Variants in PITPNC1 observed in about 807,000 individuals in gnomAD.
PITPNC1 encodes cytoplasmic phosphatidylinositol transfer protein 1.
A neutral mutation model predicts 44.7 loss-of-function variants in PITPNC1; 18 were observed. The observed-to-expected ratio is 0.40, with a 90% CI of 0.28 to 0.60. The LOEUF (loss-of-function observed/expected upper bound fraction) is 0.60, where lower values mean the gene tolerates loss of function less well. PITPNC1 is among the 20% of genes least tolerant of loss of function. The pLI is 0.39. For synonymous variants in PITPNC1, 141 were observed against 149.6 expected (o/e 0.94, Z 0.42); for missense variants, 290 against 418.4 (o/e 0.69, Z 2.68).
intron 1 of PITPNC1, among the ~76,000 whole-genome samples, chr17:67,522,678 A>G (rs1464253589): frequency 2.8e-4 from 6 of 21,772 alleles, no homozygotes; most frequent in Non-Finnish European, 4.8e-4. Context: ...TTTTTTGGAA[A>G]ATGAGGTCTC....
At chr17:67,687,327 T>C in intron 8 of PITPNC1, 1 of 605,160 alleles carries the variant, frequency 1.7e-6, no homozygotes, top group South Asian at 2.1e-5. Flanking sequence ...GAACCTGAGC[T>C]GGATCTAAAT....
Position 67,488,052 on chromosome 17 carries a change from C to T in PITPNC1, c.49-44750C>T, listed in dbSNP as rs752833142. ...AGCAGCTCAAAAGAGCTGTTGCTGG[C>T]GGGATTTTCTCCTTGCTGAAGTTTT... On this transcript the variant is annotated intron_variant, in intron 1 of 8. Transcript: ENST00000581322. 5.9e-5 allele frequency among the ~76,000 whole-genome samples: 9 copies of T among 152,268 alleles called. No homozygotes were observed. The East Asian group carries it at 1.2e-3, about 20-fold the overall frequency.
Position 67,453,887 on chromosome 17 carries a change from C to G in PITPNC1, c.48+75685C>G, listed in dbSNP as rs7502861. On this transcript the variant is annotated intron_variant, in intron 1 of 8. Transcript: ENST00000581322. ...AGTGGTCTTCCCTCCTGAGAATTCA[C>G]CAGAATGTACTGGCTTGATTTGCCC... is the stretch of plus-strand genomic sequence containing the variant. Among the ~76,000 whole-genome samples, 4 of 152,146 alleles carry G rather than the reference C, an allele frequency of 2.6e-5. No homozygotes were observed. In the South Asian group the frequency reaches 6.2e-4, roughly 24 times the overall value.
intron 8 of PITPNC1, among the ~76,000 whole-genome samples, chr17:67,678,644 A>G (rs2042647489): frequency 6.6e-6 from 1 of 152,222 alleles, no homozygotes; most frequent in South Asian, 2.1e-4. Flanking sequence ...AGATGCAGAC[A>G]CTCAGTGAAT....
At chr17:67,642,847 T>G (rs1359734351) in intron 6 of PITPNC1, among the ~76,000 whole-genome samples, 1 of 152,154 alleles carries the variant, frequency 6.6e-6, no homozygotes, top group Non-Finnish European at 1.5e-5. Context: ...TTTCATTTTT[T>G]TTTTTAATTT....
intron 3 of PITPNC1, among the ~76,000 whole-genome samples, chr17:67,552,879 G>A (rs1284088204): frequency 2.7e-5 from 4 of 150,374 alleles, no homozygotes; most frequent in Non-Finnish European, 5.9e-5. Context: ...GAGGTTTTAT[G>A]ATTCTTATTT....
intron 1 of PITPNC1, among the ~76,000 whole-genome samples, chr17:67,394,912 G>T (rs2038194663): frequency 1.3e-5 from 2 of 151,704 alleles, no homozygotes; most frequent in Admixed American, 6.6e-5. Context: ...AAAAAAAAAG[G>T]TTGCCAGGAG....
chr17:67,545,735 T>C (rs566320544), intron 2 of PITPNC1, among the ~76,000 whole-genome samples: 2 of 152,302 alleles, frequency 1.3e-5, no homozygotes, highest in South Asian at 4.1e-4. Flanking sequence ...TATTAGACTG[T>C]ATACATAGTC....
chr17:67,555,274 G>C (rs1049395659), intron 4 of PITPNC1, among the ~76,000 whole-genome samples: 1 of 152,060 alleles, frequency 6.6e-6, no homozygotes. Flanking sequence ...GTCTTTAGAG[G>C]GTCATATTGT....
intron 1 of PITPNC1, among the ~76,000 whole-genome samples, chr17:67,411,953 C>T (rs993688868): frequency 6.6e-6 from 1 of 152,096 alleles, no homozygotes; most frequent in Non-Finnish European, 1.5e-5. Context: ...GTGCAAGCTC[C>T]CTTCCCATGG....
intron 1 of PITPNC1, among the ~76,000 whole-genome samples, chr17:67,402,951 G>A (rs1490070152): frequency 6.6e-6 from 1 of 152,154 alleles, no homozygotes; most frequent in Non-Finnish European, 1.5e-5. Flanking sequence ...ACAGGCGTGA[G>A]CCACCGCGCC....
chr17:67,553,838 A>G (rs2040799052), intron 4 of PITPNC1, among the ~76,000 whole-genome samples: 1 of 152,260 alleles, frequency 6.6e-6, no homozygotes, highest in African/African-American at 2.4e-5. Context: ...TCGCCTTGAT[A>G]GTCACTTTAC....
intron 5 of PITPNC1, among the ~76,000 whole-genome samples, chr17:67,610,038 AC>A (rs1454227028): frequency 6.6e-6 from 1 of 152,144 alleles, no homozygotes; most frequent in African/African-American, 2.4e-5. Context: ...AGTGACTGGC[AC>A]CCAAGACCTT....
At chr17:67,458,699 C>A (rs56947139) in intron 1 of PITPNC1, among the ~76,000 whole-genome samples, 12,216 of 152,166 alleles carry the variant, frequency 0.08, 1,329 homozygotes, top group African/African-American at 0.24. Flanking sequence ...TTGCTGTTTT[C>A]TGCTTATGGT....
At chr17:67,480,335 GGA>G (rs2039685613) in intron 1 of PITPNC1, among the ~76,000 whole-genome samples, 2 of 152,116 alleles carry the variant, frequency 1.3e-5, no homozygotes, top group African/African-American at 4.8e-5. Context: ...TTGTTTGCAG[GGA>G]TATGTTAAGA....
chr17:67,675,010 CAAAA>C (rs11372163), intron 7 of PITPNC1, among the ~76,000 whole-genome samples: 3 of 114,094 alleles, frequency 2.6e-5, no homozygotes, highest in African/African-American at 3.4e-5. Flanking sequence ...GACTCTGTCT[CAAAA>C]AAAAAAAAAA....
At chr17:67,525,680 G>C (rs917027170) in intron 1 of PITPNC1, among the ~76,000 whole-genome samples, 4 of 152,050 alleles carry the variant, frequency 2.6e-5, no homozygotes, top group African/African-American at 7.3e-5. Context: ...GCTCTCTGCA[G>C]TGGATGGTTT....
intron 1 of PITPNC1, among the ~76,000 whole-genome samples, chr17:67,412,474 C>G (rs1176875597): frequency 6.6e-6 from 1 of 152,166 alleles, no homozygotes; most frequent in African/African-American, 2.4e-5. Flanking sequence ...TTGCCTGTGA[C>G]CTTACCTTAA....
intron 1 of PITPNC1, among the ~76,000 whole-genome samples, chr17:67,405,273 C>T (rs2038378054): frequency 6.6e-6 from 1 of 151,500 alleles, no homozygotes; most frequent in Non-Finnish European, 1.5e-5. Context: ...GATTTAGGGA[C>T]AGGCGCAGTG....
Sources: allele counts gnomAD v4.1 joint callset (sites outside exome capture counted in the v4.1 genomes callset), GRCh38; gene constraint gnomAD v4.1.1; transcripts MANE v1.5; gene names NCBI Gene and HGNC (gene_info 2026-07-23, HGNC 2026-07-21).